LOC122539214: variants seen among roughly 807,000 people sequenced by gnomAD.
chr19:52,654,016 G>A, the LOC122539214 span: 1 of 1,546,912 alleles, frequency 6.5e-7, no homozygotes, highest in Non-Finnish European at 8.9e-7. Context: ...AATTCTTTGG[G>A]ATGTTGAAAC....
the LOC122539214 span, among the ~76,000 whole-genome samples, chr19:52,677,791 T>G: frequency 6.6e-6 from 1 of 151,986 alleles, no homozygotes; most frequent in Non-Finnish European, 1.5e-5. Flanking sequence ...CCCAACACTT[T>G]GGGAAGTGGA....
chr19:52,678,031 TCAAAAAACAAAACAAAA>T, the LOC122539214 span, among the ~76,000 whole-genome samples: 27 of 151,402 alleles, frequency 1.8e-4, no homozygotes, highest in South Asian at 2.1e-4. Context: ...TGAGACTGTC[TCAAAAAACAAAACAAAA>T]CAAAAAACAA....
chr19:52,662,939 G>T, the LOC122539214 span, among the ~76,000 whole-genome samples: 1 of 152,136 alleles, frequency 6.6e-6, no homozygotes, highest in African/African-American at 2.4e-5. Context: ...GACAGGGGTA[G>T]ATCACATGAG....
At chr19:52,659,073 C>G in the LOC122539214 span, among the ~76,000 whole-genome samples, 109 of 152,242 alleles carry the variant, frequency 7.2e-4, no homozygotes, top group African/African-American at 2.4e-3. Flanking sequence ...TCCGTCTGGG[C>G]CAGGGTCCGT....
chr19:52,671,632 GT>G, the LOC122539214 span, among the ~76,000 whole-genome samples: 1 of 152,028 alleles, frequency 6.6e-6, no homozygotes, highest in Non-Finnish European at 1.5e-5. Context: ...TTGTAGAGGG[GT>G]GGTCCCACTA....
chr19:52,668,113 A>AG, the LOC122539214 span, among the ~76,000 whole-genome samples: 420 of 152,294 alleles, frequency 2.8e-3, 3 homozygotes, highest in Non-Finnish European at 4.0e-3. Flanking sequence ...TTAAAACAAG[A>AG]GTCTCTCAGC....
the LOC122539214 span, chr19:52,655,729 T>G: frequency 2.3e-5 from 18 of 791,140 alleles, no homozygotes; most frequent in Non-Finnish European, 3.9e-5. Flanking sequence ...TAGGGAGGAG[T>G]CATTACCTTC....
At chr19:52,660,068 G>A in the LOC122539214 span, among the ~76,000 whole-genome samples, 2 of 152,094 alleles carry the variant, frequency 1.3e-5, no homozygotes, top group Non-Finnish European at 2.9e-5. Flanking sequence ...GTGTGCGACT[G>A]TAATCCCAGC....
the LOC122539214 span, among the ~76,000 whole-genome samples, chr19:52,660,550 G>A: frequency 2.0e-5 from 3 of 151,994 alleles, no homozygotes; most frequent in South Asian, 6.2e-4. Context: ...CCTGGGAGGT[G>A]GAGGTTACAG....
At chr19:52,683,289 C>T in the LOC122539214 span, among the ~76,000 whole-genome samples, 1 of 147,362 alleles carries the variant, frequency 6.8e-6, no homozygotes, top group Non-Finnish European at 1.5e-5. Flanking sequence ...TGTATGCTCA[C>T]GTGTTGTGAC....
chr19:52,686,667 A>C, the LOC122539214 span, among the ~76,000 whole-genome samples: 1 of 152,026 alleles, frequency 6.6e-6, no homozygotes, highest in Non-Finnish European at 1.5e-5. Flanking sequence ...TCTACCTCCC[A>C]GGTTCAAGTG....
chr19:52,654,481 T>C, the LOC122539214 span: 108 of 582,524 alleles, frequency 1.9e-4, 1 homozygote, highest in South Asian at 4.3e-3. Context: ...TGTGTTAATA[T>C]TACACAAAAA....
chr19:52,652,786 G>A, the LOC122539214 span: 463 of 849,394 alleles, frequency 5.5e-4, 1 homozygote, highest in African/African-American at 6.9e-3. Flanking sequence ...CCCACTAAAG[G>A]CTTTGCCACA....
At chr19:52,669,842 C>G in the LOC122539214 span, among the ~76,000 whole-genome samples, 1 of 152,166 alleles carries the variant, frequency 6.6e-6, no homozygotes, top group African/African-American at 2.4e-5. Flanking sequence ...TTACTAAAAT[C>G]TCCCTTAACT....
At chr19:52,655,510 C>A in the LOC122539214 span, 2 of 1,418,132 alleles carry the variant, frequency 1.4e-6, no homozygotes. Flanking sequence ...CCAGGAAGAG[C>A]CAAGATAGAC....
chr19:52,687,379 ATT>A, the LOC122539214 span, among the ~76,000 whole-genome samples: 3 of 25,038 alleles, frequency 1.2e-4, no homozygotes, highest in African/African-American at 1.2e-3. Flanking sequence ...ATAAATTATA[ATT>A]TATATATATA....
At chr19:52,678,181 G>A in the LOC122539214 span, among the ~76,000 whole-genome samples, 19,593 of 151,948 alleles carry the variant, frequency 0.13, 1,385 homozygotes, top group Non-Finnish European at 0.14. Flanking sequence ...GGCCAGGCTC[G>A]GTGGCTCAAG....
the LOC122539214 span, among the ~76,000 whole-genome samples, chr19:52,681,485 T>TAGCCAGC: frequency 3.7e-4 from 57 of 152,266 alleles, no homozygotes; most frequent in Non-Finnish European, 7.1e-4. Flanking sequence ...TAGCCATGAA[T>TAGCCAGC]AACATTTTTG....
chr19:52,686,100 A>G, the LOC122539214 span, among the ~76,000 whole-genome samples: 1 of 152,126 alleles, frequency 6.6e-6, no homozygotes. Flanking sequence ...GTTAAACTGC[A>G]TTTTGATGTT....
Sources: gnomAD v4.1 joint callset for allele counts (sites outside exome capture counted in the v4.1 genomes callset) on GRCh38, gnomAD v4.1.1 for gene constraint, MANE v1.5 for transcripts.